The following GALNT3 variants were observed in gnomAD, a reference collection of about 807,000 sequenced individuals.
The protein encoded by GALNT3 is polypeptide N-acetylgalactosaminyltransferase 3, also known as GalNAc transferase 3.
A neutral mutation model predicts 69.8 loss-of-function variants in GALNT3; 51 were observed. That is an observed-to-expected ratio of 0.73 (90% CI 0.58 to 0.92). The LOEUF is 0.92. Ranked by LOEUF, GALNT3 falls within the 40% of genes least tolerant of loss-of-function variation. The pLI, the probability that GALNT3 is intolerant of heterozygous loss-of-function variation, is 0.00. For synonymous variants in GALNT3, 265 were observed against 248.5 expected (o/e 1.07, Z -0.63); for missense variants, 711 against 760.0 (o/e 0.94, Z 0.76).
At chr2:165,759,901 C>A (rs1264028991) in intron 4 of GALNT3, among the ~76,000 whole-genome samples, 1 of 151,936 alleles carries the variant, frequency 6.6e-6, no homozygotes, top group East Asian at 1.9e-4. Flanking sequence ...TTTGAGTAGA[C>A]AATATATTAT....
chr2:165,762,778 T>C (rs1688574907), intron 3 of GALNT3, among the ~76,000 whole-genome samples: 1 of 152,158 alleles, frequency 6.6e-6, no homozygotes, highest in Non-Finnish European at 1.5e-5. Context: ...TTAACAAATG[T>C]CAATCCAGTG....
At chr2:165,793,232 C>G (rs1300603523) in intron 1 of GALNT3, among the ~76,000 whole-genome samples, 1 of 152,124 alleles carries the variant, frequency 6.6e-6, no homozygotes, top group African/African-American at 2.4e-5. Context: ...ACCTTTGAGT[C>G]ATATGCCACA....
At chr2:165,772,319 T>TC (rs1200974326) in intron 1 of GALNT3, among the ~76,000 whole-genome samples, 1 of 152,134 alleles carries the variant, frequency 6.6e-6, no homozygotes, top group Non-Finnish European at 1.5e-5. Context: ...GAACAGTGGC[T>TC]CATGCCTATA....
In GALNT3 at chr2:165,781,398, C is replaced by G. The variant is rs1468047351; in HGVS notation, c.-108-10590G>C. 4.0e-5 allele frequency among the ~76,000 whole-genome samples: 6 copies of G among 151,824 alleles called. No individual in the cohort carries two copies. In the South Asian group the frequency reaches 1.2e-3, roughly 31 times the overall value. On this transcript the variant is annotated intron_variant, in intron 1 of 10. Coordinates refer to ENST00000392701, the MANE Select transcript of GALNT3 (RefSeq NM_004482.4). The stretch of plus-strand genomic sequence containing the variant: ...TTGCTTGAGCCCAGGAGTGCAAGAC[C>G]AGCCTGGGTAATATGGCAAAACCCC...
At chr2:165,755,146 A>G in intron 7 of GALNT3, 83 bp from the exon 8 acceptor site, 1 of 1,258,896 alleles carries the variant, frequency 7.9e-7, no homozygotes, top group South Asian at 1.3e-5. Flanking sequence ...TTGTATTTCT[A>G]TTTAGGTATT....
intron 2 of GALNT3, among the ~76,000 whole-genome samples, chr2:165,767,885 T>C (rs1250301309): frequency 6.8e-6 from 1 of 146,286 alleles, no homozygotes; most frequent in Non-Finnish European, 1.5e-5. Flanking sequence ...TTTTTTTTTT[T>C]TTTTTTTGAG....
At chr2:165,753,609 A>G (rs546431732) in intron 9 of GALNT3, among the ~76,000 whole-genome samples, 345 of 152,284 alleles carry the variant, frequency 2.3e-3, no homozygotes, top group African/African-American at 7.7e-3. Context: ...CACTCAATGA[A>G]TTTGTTGAAT....
At chr2:165,778,919 T>G (rs1375651060) in intron 1 of GALNT3, among the ~76,000 whole-genome samples, 1 of 36,952 alleles carries the variant, frequency 2.7e-5, no homozygotes, top group Non-Finnish European at 5.4e-5. Flanking sequence ...AGACACCCAG[T>G]CTTGTGGGGC....
At chr2:165,792,813 G>T (rs991032514) in intron 1 of GALNT3, among the ~76,000 whole-genome samples, 6 of 152,100 alleles carry the variant, frequency 3.9e-5, no homozygotes, top group Non-Finnish European at 8.8e-5. Flanking sequence ...ATGGCAGCGT[G>T]TGACTTTAAC....
At chr2:165,771,387 A>T (rs1208600708) in intron 1 of GALNT3, 1 of 152,218 alleles carries the variant, frequency 6.6e-6, no homozygotes, top group Non-Finnish European at 1.5e-5. Context: ...GGAACCCCTA[A>T]AAACAAGAAA....
chr2:165,759,757 G>A (rs1408929884), intron 4 of GALNT3, among the ~76,000 whole-genome samples, 187 bp from the exon 5 acceptor site: 1 of 152,086 alleles, frequency 6.6e-6, no homozygotes, highest in African/African-American at 2.4e-5. Flanking sequence ...CTATACATTT[G>A]CAGTGTATAT....
intron 1 of GALNT3, among the ~76,000 whole-genome samples, chr2:165,775,148 C>T (rs538403125): frequency 3.9e-5 from 6 of 152,104 alleles, no homozygotes; most frequent in African/African-American, 1.4e-4. Flanking sequence ...ATTTTTCTAA[C>T]TCTGTTCAAA....
At chr2:165,761,441 A>C (rs1688543327) in intron 4 of GALNT3, among the ~76,000 whole-genome samples, 1 of 152,068 alleles carries the variant, frequency 6.6e-6, no homozygotes, top group African/African-American at 2.4e-5. Context: ...TGAACTCCTG[A>C]CCTCAAATGA....
chr2:165,754,496 C>A (rs62174818), intron 9 of GALNT3, 131 bp downstream of exon 9: 1 of 672,478 alleles, frequency 1.5e-6, no homozygotes. Context: ...AATTGCCAAA[C>A]TCAGTCTGAA....
rs530821555 is a variant in GALNT3, at chr2:165,756,639, A to T, written c.1392+408T>A. ...AGTAAGTAGTGAAACTAGAGCTTGA[A>T]AAAAAAAGGCTTGGCACTCCTGGTT... On this transcript the variant is annotated intron_variant, in intron 7 of 10. Coordinates refer to ENST00000392701, the MANE Select transcript of GALNT3 (RefSeq NM_004482.4). Among the ~76,000 whole-genome samples the T allele has an allele frequency of 1.5e-4, 23 of 151,786 alleles. No individual in the cohort carries two copies. The South Asian group carries it at 4.6e-3, about 30-fold the overall frequency.
At chr2:165,782,077 C>T (rs1452356285) in intron 1 of GALNT3, among the ~76,000 whole-genome samples, 9 of 151,982 alleles carry the variant, frequency 5.9e-5, no homozygotes, top group East Asian at 1.9e-4. Context: ...TAACTTCTGC[C>T]GAGGCAAAAT....
intron 1 of GALNT3, among the ~76,000 whole-genome samples, chr2:165,791,731 C>T (rs1484422494): frequency 3.9e-5 from 6 of 152,056 alleles, no homozygotes; most frequent in East Asian, 3.9e-4. Context: ...ATAATGTTAT[C>T]CACATTGACT....
chr2:165,783,870 C>T (rs1026900577), intron 1 of GALNT3, among the ~76,000 whole-genome samples: 1 of 152,106 alleles, frequency 6.6e-6, no homozygotes, highest in Admixed American at 6.6e-5. Context: ...TCAAGTCTTC[C>T]ATAACATCAT....
In GALNT3 at chr2:165,761,966, A is replaced by C; in HGVS notation, c.777T>G (p.Thr259=). The change falls in exon 4 of 11, where the codon ACT becomes ACG. Residue 259 remains threonine (T), a synonymous_variant. Coordinates refer to ENST00000392701, the MANE Select transcript of GALNT3 (RefSeq NM_004482.4). The part of the protein sequence containing the change: ...VRQRERKGLI[T]ARLLGATVAT... Reference sequence around the variant, plus strand: ...CGACTGTTGCTCCTAGCAACCGAGCAGTGATCAGACCTTTTCTTTCTCTTT... The same window carrying C: ...CGACTGTTGCTCCTAGCAACCGAGCCGTGATCAGACCTTTTCTTTCTCTTT... 1.2e-6 allele frequency: 2 copies of C among 1,614,018 alleles called. No homozygotes were observed. Among genetic ancestry groups the C allele is most frequent in the Non-Finnish European group, 1.7e-6 (2 of 1,179,890 alleles).
Sources: gnomAD v4.1 joint callset for allele counts (sites outside exome capture counted in the v4.1 genomes callset) on GRCh38, gnomAD v4.1.1 for gene constraint, MANE v1.5 for transcripts, NCBI Gene and HGNC (gene_info 2026-07-23, HGNC 2026-07-21) for gene names.